Variants in SSBP3 observed in about 807,000 individuals in gnomAD.
The protein encoded by SSBP3 is single stranded DNA binding protein 3, also known as single-stranded DNA-binding protein 3.
A neutral mutation model predicts 69.6 loss-of-function variants in SSBP3; 5 were observed. The observed-to-expected ratio is 0.07, with a 90% CI of 0.04 to 0.15. The LOEUF (loss-of-function observed/expected upper bound fraction) is 0.15. SSBP3 is among the 10% of genes least tolerant of loss of function. The probability of loss-of-function intolerance (pLI) is 1.00; values close to 1 mark genes in which losing one functional copy is unlikely to be tolerated. For synonymous variants in SSBP3, 196 were observed against 193.4 expected, an observed-to-expected ratio of 1.01 and a Z score of -0.11; for missense variants, 312 against 534.0, an observed-to-expected ratio of 0.58 and a Z score of 4.10.
chr1:54,334,252 T>C (rs540090000), intron 4 of SSBP3, among the ~76,000 whole-genome samples: 30 of 152,096 alleles, frequency 2.0e-4, no homozygotes, highest in African/African-American at 7.0e-4. Flanking sequence ...CTCAGGAGGC[T>C]GAGGCAGGAG....
intron 13 of SSBP3, among the ~76,000 whole-genome samples, chr1:54,239,805 G>C (rs1644572990): frequency 6.6e-6 from 1 of 152,208 alleles, no homozygotes; most frequent in Non-Finnish European, 1.5e-5. Context: ...CCCTGCAGCT[G>C]AGCAGCTTCC....
At chr1:54,279,352 A>T (rs1645349701) in intron 5 of SSBP3, among the ~76,000 whole-genome samples, 1 of 152,238 alleles carries the variant, frequency 6.6e-6, no homozygotes, top group South Asian at 2.1e-4. Flanking sequence ...GGGCCCAAGA[A>T]GTATGTCTGG....
rs141469849 is a variant in SSBP3, at chr1:54,338,795, G to A, written c.277-57268C>T. ...AACAACACAAAGGGCAGAAGAGAGT[G>A]ACACCCCTAACAAACAGCCCCAGCC... On this transcript the variant is annotated intron_variant, in intron 4 of 17. Coordinates refer to ENST00000610401, the Ensembl canonical transcript of SSBP3. Among the ~76,000 whole-genome samples the A allele has an allele frequency of 1.8e-3, 278 of 152,276 alleles. 1 individual carries two copies. Among genetic ancestry groups the A allele is most frequent in the African/African-American group, 6.3e-3 (263 of 41,544 alleles).
chr1:54,226,444 C>CAAACCAAAA (rs1644286081), exon 18 of SSBP3: 3 of 153,382 alleles, frequency 2.0e-5, no homozygotes, highest in Non-Finnish European at 4.4e-5. Context: ...GCCTGTTGCA[C>CAAACCAAAA]AAACCAAAAC....
In SSBP3 at chr1:54,342,826, C is replaced by A. The variant is rs563836348; in HGVS notation, c.276+59035G>T. Among the ~76,000 whole-genome samples the A allele has an allele frequency of 2.6e-5, 4 of 152,310 alleles. No homozygotes were observed. The East Asian group carries it at 5.8e-4, about 22-fold the overall frequency. ...AGGACCCTTCCCCGAGTCTCCCACA[C>A]CCCAGCCCTCTGGATCCACTCTGTT... On this transcript the variant is annotated intron_variant, in intron 4 of 17. Transcript: ENST00000610401.
chr1:54,346,932 C>T (rs1428335619), intron 4 of SSBP3, among the ~76,000 whole-genome samples: 1 of 152,130 alleles, frequency 6.6e-6, no homozygotes, highest in East Asian at 1.9e-4. Flanking sequence ...ATGCTTGAGT[C>T]CTTTACATAA....
intron 4 of SSBP3, among the ~76,000 whole-genome samples, chr1:54,401,531 C>A (rs1479202114): frequency 6.6e-6 from 1 of 152,196 alleles, no homozygotes; most frequent in Non-Finnish European, 1.5e-5. Context: ...TAAACCAACA[C>A]TAAAGAGGCT....
rs573928936 is a variant in SSBP3 at position 54,313,214 on chromosome 1, T to C, written c.277-31687A>G. Among the ~76,000 whole-genome samples the C allele has an allele frequency of 1.9e-3, 289 of 151,680 alleles. 2 individuals carry two copies. Among genetic ancestry groups the C allele is most frequent in the Non-Finnish European group, 3.7e-3 (248 of 67,906 alleles). ...CCAGAGACAGCTGCCCAGGGACCAATCGGGGTAATCAATCCTGTTGATATG... is the reference window on the plus strand; with the variant it reads ...CCAGAGACAGCTGCCCAGGGACCAACCGGGGTAATCAATCCTGTTGATATG... On this transcript the variant is annotated intron_variant, in intron 4 of 17. Transcript: ENST00000610401.
intron 4 of SSBP3, among the ~76,000 whole-genome samples, chr1:54,386,296 G>C (rs1648075065): frequency 6.6e-6 from 1 of 152,176 alleles, no homozygotes; most frequent in African/African-American, 2.4e-5. Flanking sequence ...TCCTGCAGTG[G>C]CCCATGAGCC....
chr1:54,398,751 A>T (rs1235348831), intron 4 of SSBP3, among the ~76,000 whole-genome samples: 1 of 151,896 alleles, frequency 6.6e-6, no homozygotes, highest in Non-Finnish European at 1.5e-5. Flanking sequence ...GACCCGGGGG[A>T]CCTCTTCTGA....
At chr1:54,281,453 C>T (rs61733361) in exon 5 of SSBP3, 17 of 1,563,812 alleles carry the variant, frequency 1.1e-5, no homozygotes, top group South Asian at 7.1e-5. Flanking sequence ...AGAAACCTGG[C>T]GGGATGGGGC....
At position 54,405,945 on chromosome 1, in the gene SSBP3, G is replaced by A. The variant is rs1649720802; in HGVS notation, c.56+8C>T. 1 of 1,367,536 alleles carries A rather than the reference G, an allele frequency of 7.3e-7. No homozygotes were observed. Among genetic ancestry groups the A allele is most frequent in the Non-Finnish European group, 9.6e-7 (1 of 1,041,560 alleles). 84.7% of individuals were successfully genotyped at this position (1,367,536 alleles called of 1,614,324 possible). A position where few individuals can be genotyped will look rare whatever the true frequency, so the allele number is the denominator to read the frequency against. On this transcript the variant is annotated splice_region_variant and intron_variant, in intron 1 of 17. Transcript: ENST00000610401. ...CGGCGCGGCCGCCACTTGCAAAATAGGGCTTACTTTTCCCGAGCCTGCCCA... is the reference window on the plus strand; with the variant it reads ...CGGCGCGGCCGCCACTTGCAAAATAAGGCTTACTTTTCCCGAGCCTGCCCA...
At chr1:54,278,268 T>A (rs897313906) in intron 5 of SSBP3, among the ~76,000 whole-genome samples, 1 of 152,108 alleles carries the variant, frequency 6.6e-6, no homozygotes, top group African/African-American at 2.4e-5. Context: ...ATAAACTCAG[T>A]TCAAACATTT....
At chr1:54,404,139 G>T (rs1311909837) in intron 3 of SSBP3, among the ~76,000 whole-genome samples, 1 of 152,124 alleles carries the variant, frequency 6.6e-6, no homozygotes, top group Non-Finnish European at 1.5e-5. Flanking sequence ...AGCCCCGGTA[G>T]ATGTCCTCTC....
rs71580002 is a variant in SSBP3, at chr1:54,235,448, A to ATTTTTTTTTTTTT, written c.927+3668_927+3680dup. 3.4e-4 allele frequency among the ~76,000 whole-genome samples: 24 copies of ATTTTTTTTTTTTT among 69,920 alleles called. 2 individuals carry two copies. The highest frequency in any genetic ancestry group is 1.3e-3 in the African/African-American group (20 of 15,242). 45.9% of individuals were successfully genotyped at this position (69,920 alleles called of 152,430 possible). ...AGGCGTGTACCACCATGCCCGGCTG[A>ATTTTTTTTTTTTT]TTTTTTTTTTTTTTTTTTTTTTTTT... On this transcript the variant is annotated intron_variant, in intron 14 of 17. Coordinates refer to ENST00000610401, the Ensembl canonical transcript of SSBP3.
rs1416814143 is a variant in SSBP3 at position 54,316,677 on chromosome 1, TAAATA to T, written c.277-35155_277-35151del. Among the ~76,000 whole-genome samples, 7 of 96,240 alleles carry T rather than the reference TAAATA, an allele frequency of 7.3e-5. 1 individual carries two copies. The highest frequency in any genetic ancestry group is 4.2e-4 in the African/African-American group (7 of 16,602). The allele number at this position is 96,240 out of a possible 152,430, so 63.1% of individuals were successfully genotyped here. A position where few individuals can be genotyped will look rare whatever the true frequency, so the allele number is the denominator to read the frequency against. On this transcript the variant is annotated intron_variant, in intron 4 of 17. Transcript: ENST00000610401. ...AAAAAAAATAAAATAAATAAATAAATAAATAAATAAATAAATAAATAAATAAATAA... is the reference window on the plus strand; with the variant it reads ...AAAAAAAATAAAATAAATAAATAAATAATAAATAAATAAATAAATAAATAA...
upstream of SSBP3, among the ~76,000 whole-genome samples, chr1:54,408,176 C>T (rs771950770): frequency 2.0e-5 from 3 of 152,154 alleles, no homozygotes; most frequent in Non-Finnish European, 4.4e-5. Context: ...AAAAGGAACG[C>T]TGAGACCTAG....
chr1:54,349,930 C>G (rs1646754486), intron 4 of SSBP3, among the ~76,000 whole-genome samples: 1 of 152,052 alleles, frequency 6.6e-6, no homozygotes, highest in African/African-American at 2.4e-5. Flanking sequence ...CACCTGGGGT[C>G]CCTTTAGCCT....
intron 1 of SSBP3, 40 bp from the exon 2 acceptor site, chr1:54,404,970 C>A: frequency 6.4e-7 from 1 of 1,565,774 alleles, no homozygotes; most frequent in South Asian, 1.1e-5. Flanking sequence ...GAGGGAAAGG[C>A]GTCAGATCCC....
Sources: gnomAD v4.1 joint callset for allele counts (sites outside exome capture counted in the v4.1 genomes callset) on GRCh38, gnomAD v4.1.1 for gene constraint, MANE v1.5 for transcripts, NCBI Gene and HGNC (gene_info 2026-07-23, HGNC 2026-07-21) for gene names.